Variants in ZNF169 observed in about 807,000 individuals in gnomAD.
ZNF169 encodes zinc finger protein 169.
Under a neutral mutation model 12.0 loss-of-function variants are expected in ZNF169, and 11 were observed. The observed-to-expected ratio is 0.92, with a 90% CI of 0.58 to 1.52. The LOEUF (loss-of-function observed/expected upper bound fraction) is 1.52, where lower values mean the gene tolerates loss of function less well. Among genes scored for constraint, ZNF169 ranks in the 40% most tolerant of loss-of-function variants. The pLI is 0.00. For missense variants in ZNF169, 722 were observed against 744.0 expected, an observed-to-expected ratio of 0.97 and a Z score of 0.34; for synonymous variants, 302 against 286.5, an observed-to-expected ratio of 1.05 and a Z score of -0.55.
intron 2 of ZNF169, among the ~76,000 whole-genome samples, chr9:94,282,746 G>C (rs1313738012): frequency 6.6e-6 from 1 of 152,060 alleles, no homozygotes; most frequent in Non-Finnish European, 1.5e-5. Context: ...GACTTTGTTG[G>C]TTTAGGAATA....
chr9:94,277,072 T>C (rs1830534063), intron 1 of ZNF169, among the ~76,000 whole-genome samples: 1 of 152,194 alleles, frequency 6.6e-6, no homozygotes, highest in Admixed American at 6.5e-5. Flanking sequence ...TAAATACATT[T>C]AAGAAATACG....
In ZNF169 at chr9:94,278,835, C is replaced by T. The variant is rs1362720695; in HGVS notation, c.23C>T (p.Thr8Ile). The change falls in exon 2 of 5, where the codon ACC becomes ATC. Residue 8 changes from threonine to isoleucine, a missense_variant. By Grantham distance (89) the Thr-to-Ile change is moderately conservative. Coordinates refer to ENST00000395395, the MANE Select transcript of ZNF169 (RefSeq NM_194320.4). ...GATATGTCACCAGGACTCCTGACAA[C>T]CAGGAAGGAGGTAAGTCCTGAAATT... is the stretch of plus-strand genomic sequence containing the variant. Reference protein sequence around the residue: MSPGLLTTRKEALMAFRD... With the variant: MSPGLLTIRKEALMAFRD... 5 of 1,613,852 alleles carry T rather than the reference C, an allele frequency of 3.1e-6. No homozygotes were observed. The African/African-American group carries it at 6.7e-5, about 22-fold the overall frequency.
intron 1 of ZNF169, among the ~76,000 whole-genome samples, chr9:94,276,590 C>T (rs1436416156): frequency 6.6e-6 from 1 of 151,970 alleles, no homozygotes; most frequent in Non-Finnish European, 1.5e-5. Flanking sequence ...AACAGGGTTT[C>T]ACCATCTTGG....
chr9:94,282,323 T>C (rs1282075226), intron 2 of ZNF169, among the ~76,000 whole-genome samples: 3 of 152,292 alleles, frequency 2.0e-5, no homozygotes, highest in South Asian at 4.1e-4. Context: ...CCTGACAACA[T>C]GTGCCCGAGG....
intron 1 of ZNF169, among the ~76,000 whole-genome samples, chr9:94,267,942 C>T (rs890268432): frequency 3.4e-5 from 5 of 147,792 alleles, no homozygotes; most frequent in Middle Eastern, 3.8e-3. Flanking sequence ...CTCAGCTCAC[C>T]GCAACCTGCC....
chr9:94,281,351 T>C (rs1488109324), intron 2 of ZNF169, among the ~76,000 whole-genome samples: 1 of 152,216 alleles, frequency 6.6e-6, no homozygotes, highest in Non-Finnish European at 1.5e-5. Flanking sequence ...CCTAAGGGCT[T>C]TTGCCTGAGA....
chr9:94,289,253 G>A (rs142013855), intron 2 of ZNF169, among the ~76,000 whole-genome samples: 179 of 151,982 alleles, frequency 1.2e-3, no homozygotes, highest in African/African-American at 4.0e-3. Flanking sequence ...AAAAAAATTA[G>A]CCAGGTGTGG....
At chr9:94,260,978 C>T (rs150962029) in intron 1 of ZNF169, among the ~76,000 whole-genome samples, 15,875 of 150,116 alleles carry the variant, frequency 0.11, 1,177 homozygotes, top group Non-Finnish European at 0.16. Flanking sequence ...CGCCACCACG[C>T]CCGGCTAATT....
At chr9:94,278,995 C>G (rs191462639) in intron 2 of ZNF169, 150 bp downstream of exon 2, 26 of 745,342 alleles carry the variant, frequency 3.5e-5, no homozygotes, top group Non-Finnish European at 5.3e-5. Context: ...GTCTTATTTG[C>G]TACATTTATG....
chr9:94,261,669 C>T (rs1204074898), intron 1 of ZNF169, among the ~76,000 whole-genome samples: 1 of 152,172 alleles, frequency 6.6e-6, no homozygotes. Context: ...AGAGTGAGTT[C>T]AAATCCAGGT....
At chr9:94,283,755 A>G (rs1174929276) in intron 2 of ZNF169, among the ~76,000 whole-genome samples, 1 of 152,168 alleles carries the variant, frequency 6.6e-6, no homozygotes, top group Non-Finnish European at 1.5e-5. Flanking sequence ...GAATATCAGT[A>G]TAGAAAACTT....
chr9:94,291,397 G>A (rs1220718924), intron 2 of ZNF169, among the ~76,000 whole-genome samples: 2 of 152,044 alleles, frequency 1.3e-5, no homozygotes, highest in Admixed American at 6.6e-5. Context: ...TTCCTTCCAT[G>A]ATTGGGAACA....
intron 2 of ZNF169, among the ~76,000 whole-genome samples, chr9:94,280,720 T>G (rs1587678754): frequency 6.6e-6 from 1 of 152,192 alleles, no homozygotes; most frequent in Non-Finnish European, 1.5e-5. Context: ...ATTCCCCTGT[T>G]GGCTAGGGTT....
At chr9:94,269,990 A>G (rs528019813) in intron 1 of ZNF169, among the ~76,000 whole-genome samples, 2 of 152,220 alleles carry the variant, frequency 1.3e-5, no homozygotes, top group South Asian at 4.1e-4. Context: ...TTGTTTGTGG[A>G]GGCATGGGGA....
intron 3 of ZNF169, 21 bp from the exon 4 acceptor site, chr9:94,292,953 G>T (rs944983156): frequency 1.5e-5 from 24 of 1,557,524 alleles, no homozygotes; most frequent in Non-Finnish European, 2.1e-5. Context: ...GATCACCTTG[G>T]TTTTTTTTTC....
intron 1 of ZNF169, among the ~76,000 whole-genome samples, chr9:94,269,272 G>C (rs564491264): frequency 1.3e-5 from 2 of 152,072 alleles, no homozygotes; most frequent in Admixed American, 6.6e-5. Flanking sequence ...AAATGCAAAG[G>C]GGGTGTATGA....
chr9:94,269,322 G>C (rs1830350450), intron 1 of ZNF169, among the ~76,000 whole-genome samples: 1 of 151,874 alleles, frequency 6.6e-6, no homozygotes. Context: ...CGGACAAATG[G>C]CTTCGCAAGC....
chr9:94,295,661 C>T (rs1830935470), intron 4 of ZNF169: 1 of 152,200 alleles, frequency 6.6e-6, no homozygotes, highest in African/African-American at 2.4e-5. Flanking sequence ...ATACAGGATA[C>T]AACTGGATTC....
chr9:94,299,172 C>A (rs12338655), intron 4 of ZNF169, among the ~76,000 whole-genome samples: 103,503 of 152,144 alleles, frequency 0.68, 37,002 homozygotes, highest in African/African-American at 0.92. Context: ...TTCATTTGCC[C>A]GGAGGGCAGC....
Sources: allele counts gnomAD v4.1 joint callset (sites outside exome capture counted in the v4.1 genomes callset), GRCh38; gene constraint gnomAD v4.1.1; transcripts MANE v1.5; gene names NCBI Gene and HGNC (gene_info 2026-07-23, HGNC 2026-07-21).